The following KIAA0753 variants were observed in gnomAD, a reference collection of about 807,000 sequenced individuals.
KIAA0753 encodes the protein KIAA0753, also known as protein moonraker.
In KIAA0753, 114 loss-of-function variants were observed where a neutral mutation model predicts 116.9. That is an observed-to-expected ratio of 0.98 (90% confidence interval 0.84 to 1.14). KIAA0753 has a LOEUF of 1.14. Ranked by LOEUF, KIAA0753 falls within the 50% of genes most tolerant of loss-of-function variation. KIAA0753 has a pLI of 0.00. For synonymous variants in KIAA0753, 405 were observed against 413.1 expected (o/e 0.98, Z 0.24); for missense variants, 1,156 against 1,172.4 (o/e 0.99, Z 0.20).
intron 11 of KIAA0753, 72 bp from the exon 12 acceptor site, chr17:6,607,034 T>C (rs1379400323): frequency 3.3e-6 from 5 of 1,493,900 alleles, no homozygotes; most frequent in Non-Finnish European, 4.7e-6. Context: ...GCTCCAGTCT[T>C]GGCTCCCCCC....
intron 14 of KIAA0753, 107 bp from the exon 15 acceptor site, chr17:6,596,450 A>G (rs1969494336): frequency 1.1e-6 from 1 of 882,754 alleles, no homozygotes; most frequent in Non-Finnish European, 1.7e-6. Flanking sequence ...ATCATAATAA[A>G]CCAACAGCAT....
At chr17:6,623,629 GA>G in intron 4 of KIAA0753, 58 bp from the exon 5 acceptor site, 1 of 1,566,684 alleles carries the variant, frequency 6.4e-7, no homozygotes, top group South Asian at 1.2e-5. Context: ...CTTTTTTGTA[GA>G]AAAGGATGCA....
At chr17:6,617,394 T>TAAAGTGAATAAATATCTAACAG in intron 7 of KIAA0753, among the ~76,000 whole-genome samples, 1 of 152,302 alleles carries the variant, frequency 6.6e-6, no homozygotes, top group Admixed American at 6.5e-5. Context: ...AACATCCCAT[T>TAAAGTGAATAAATATCTAACAG]AAAGTGAATA....
intron 16 of KIAA0753, among the ~76,000 whole-genome samples, chr17:6,594,260 A>C (rs1597479895): frequency 1.5e-5 from 2 of 136,268 alleles, no homozygotes; most frequent in South Asian, 2.5e-4. Flanking sequence ...GTCCTTTACC[A>C]CTCACTTCAG....
chr17:6,628,312 G>T lies in KIAA0753; in HGVS notation c.523C>A (p.Leu175Ile). 6.2e-7 allele frequency: 1 copy of T among 1,614,138 alleles called. No homozygotes were observed. The highest frequency in any genetic ancestry group is 8.5e-7 in the Non-Finnish European group (1 of 1,180,020). Reference sequence around the variant, plus strand: ...GACTGGCCTGGATGAGATGAGTAAAGGTATACTTTGGCACCAGAGCTGGAG... The same window carrying T: ...GACTGGCCTGGATGAGATGAGTAAATGTATACTTTGGCACCAGAGCTGGAG... ...EISSSGAKVY[L>I]YSSHPGQSDL... Residue 175 changes from leucine (L) to isoleucine (I), a missense_variant, in exon 3 of 19, where the codon CTT (leucine) becomes ATT (isoleucine). Leu to Ile is a conservative substitution (Grantham distance 5). Transcript: ENST00000361413.
rs769354743 is a variant in KIAA0753, at chr17:6,606,950, A to G, written c.1932T>C (p.Leu644=). The G allele has an allele frequency of 6.2e-7, 1 of 1,614,098 alleles. No individual in the cohort carries two copies. Among genetic ancestry groups the G allele is most frequent in the African/African-American group, 1.3e-5 (1 of 75,060 alleles). The change falls in exon 12 of 19, where the codon CTT becomes CTC. Residue 644 remains leucine, a synonymous_variant. Coordinates refer to ENST00000361413, the MANE Select transcript of KIAA0753 (RefSeq NM_014804.3). ...DSMQKQRLDW[L]DAETSRRTKE... Reference sequence around the variant, plus strand: ...TTGTTCTTCTAGAAGTTTCAGCATCAAGCCAATCAAGCCTAGAGAACAGTA... The same window carrying G: ...TTGTTCTTCTAGAAGTTTCAGCATCGAGCCAATCAAGCCTAGAGAACAGTA...
At chr17:6,606,797 G>T in intron 12 of KIAA0753, 76 bp downstream of exon 12, 1 of 1,102,744 alleles carries the variant, frequency 9.1e-7, no homozygotes, top group African/African-American at 1.5e-5. Context: ...TAACAGTCCA[G>T]GTTGGTTGCT....
At chr17:6,634,518 T>C (rs1172551501) in intron 2 of KIAA0753, among the ~76,000 whole-genome samples, 1 of 152,206 alleles carries the variant, frequency 6.6e-6, no homozygotes, top group Non-Finnish European at 1.5e-5. Context: ...GATGGATCTC[T>C]AGAGGGATGA....
At chr17:6,593,216 G>A (rs2150760791) in intron 16 of KIAA0753, among the ~76,000 whole-genome samples, 1 of 152,354 alleles carries the variant, frequency 6.6e-6, no homozygotes, top group African/African-American at 2.4e-5. Flanking sequence ...CGCTTCACAA[G>A]GGAAGATATA....
At chr17:6,635,975 T>C (rs1011683370) in intron 1 of KIAA0753, 10 of 152,248 alleles carry the variant, frequency 6.6e-5, no homozygotes, top group Non-Finnish European at 1.0e-4. Flanking sequence ...TGCTCTTCTA[T>C]TTCCCATTAC....
intron 16 of KIAA0753, among the ~76,000 whole-genome samples, chr17:6,591,704 T>C (rs575021019): frequency 6.6e-6 from 1 of 152,376 alleles, no homozygotes; most frequent in South Asian, 2.1e-4. Context: ...TCTGTAAGAC[T>C]GTCTTCTACA....
At chr17:6,596,969 A>G (rs1023366509) in intron 14 of KIAA0753, among the ~76,000 whole-genome samples, 1 of 152,164 alleles carries the variant, frequency 6.6e-6, no homozygotes, top group Non-Finnish European at 1.5e-5. Flanking sequence ...TTGCTGGGGG[A>G]ATTAATTATA....
chr17:6,621,725 A>T (rs1191857464), intron 6 of KIAA0753, among the ~76,000 whole-genome samples: 2 of 152,212 alleles, frequency 1.3e-5, no homozygotes, highest in Non-Finnish European at 1.5e-5. Context: ...ACTCTTACTC[A>T]AGCTCAAAAT....
chr17:6,637,935 C>G (rs1050445311), intron 1 of KIAA0753: 1 of 152,894 alleles, frequency 6.5e-6, no homozygotes, highest in Non-Finnish European at 1.5e-5. Flanking sequence ...CAGAACCAGG[C>G]ACCCTAGGAG....
rs189925793 is a variant in KIAA0753 at position 6,610,636 on chromosome 17, T to C, written c.1546-476A>G. Among the ~76,000 whole-genome samples, 575 of 151,124 alleles carry C rather than the reference T, an allele frequency of 3.8e-3. 6 individuals are homozygous for C. Among genetic ancestry groups the C allele is most frequent in the African/African-American group, 0.013 (540 of 41,242 alleles). The stretch of plus-strand genomic sequence containing the variant: ...CCTGGGCTCAAGCGATTCTCCTGCC[T>C]TAGCCTCCTGAATAGCTGGGATCAC... On this transcript the variant is annotated intron_variant, in intron 8 of 18. Transcript: ENST00000361413.
At chr17:6,590,149 G>A (rs1968889852) in intron 17 of KIAA0753, 146 bp from the exon 18 acceptor site, 3 of 691,098 alleles carry the variant, frequency 4.3e-6, no homozygotes, top group Middle Eastern at 4.0e-4. Context: ...CTAACACCAT[G>A]CGTTGCTTCC....
chr17:6,579,684 A>T lies in KIAA0753; in HGVS notation c.*63T>A. ...TGAGGATGAAAATTTCCTGTGGGCC[A>T]AAACAAAGGGTGGTGCCATCCCTTC... is the stretch of plus-strand genomic sequence containing the variant. On this transcript the variant is annotated 3_prime_UTR_variant, in exon 19 of 19. Coordinates refer to ENST00000361413, the MANE Select transcript of KIAA0753 (RefSeq NM_014804.3). The T allele has an allele frequency of 8.3e-7, 1 of 1,204,070 alleles. No homozygotes were observed. Among genetic ancestry groups the T allele is most frequent in the South Asian group, 1.2e-5 (1 of 82,040 alleles). 74.6% of individuals were successfully genotyped at this position (1,204,070 alleles called of 1,614,324 possible).
At chr17:6,608,555 C>T in intron 9 of KIAA0753, 91 bp from the exon 10 acceptor site, 1 of 592,326 alleles carries the variant, frequency 1.7e-6, no homozygotes, top group East Asian at 3.1e-5. Flanking sequence ...ATGACAACAG[C>T]ATTAAATTAA....
Position 6,623,550 on chromosome 17 carries a change from A to C in KIAA0753, c.847T>G (p.Leu283Val). ...QQQVKEIQEE[L>V]DKLSPHKIKH... ...ATTTTATGTGGACTCAATTTATCCAATTCTTCCTGGATTTCTTTTACCTGT... is the reference window on the plus strand; with the variant it reads ...ATTTTATGTGGACTCAATTTATCCACTTCTTCCTGGATTTCTTTTACCTGT... Residue 283 changes from leucine to valine, a missense_variant, in exon 5 of 19, where the codon TTG becomes GTG. Coordinates refer to ENST00000361413, the MANE Select transcript of KIAA0753 (RefSeq NM_014804.3). The C allele has an allele frequency of 6.2e-7, 1 of 1,610,820 alleles. No homozygotes were observed. Among genetic ancestry groups the C allele is most frequent in the Non-Finnish European group, 8.5e-7 (1 of 1,178,244 alleles).
Sources: allele counts gnomAD v4.1 joint callset (sites outside exome capture counted in the v4.1 genomes callset), GRCh38; gene constraint gnomAD v4.1.1; transcripts MANE v1.5; gene names NCBI Gene and HGNC (gene_info 2026-07-23, HGNC 2026-07-21).